SANBR: variants seen among roughly 807,000 people sequenced by gnomAD.
SANBR encodes the protein SANT and BTB domain regulator of CSR.
A neutral mutation model predicts 101.8 loss-of-function variants in SANBR; 77 were observed. That is an observed-to-expected ratio of 0.76 (90% CI 0.63 to 0.91). The LOEUF is 0.91. SANBR is among the 40% of genes least tolerant of loss of function. The probability of loss-of-function intolerance (pLI) is 0.00; values close to 1 mark genes in which losing one functional copy is unlikely to be tolerated. For synonymous variants in SANBR, 279 were observed against 274.7 expected (o/e 1.02, Z -0.15); for missense variants, 875 against 853.0 (o/e 1.03, Z -0.32).
At chr2:61,071,502 A>G in intron 3 of SANBR, 104 bp from the exon 4 acceptor site, 1 of 621,102 alleles carries the variant, frequency 1.6e-6, no homozygotes, top group African/African-American at 2.0e-5. Context: ...GTGAGCCAAG[A>G]TCACACCACT....
chr2:61,126,520 A>G (rs577260632), downstream of SANBR, among the ~76,000 whole-genome samples: 12 of 152,242 alleles, frequency 7.9e-5, no homozygotes, highest in South Asian at 2.5e-3. Context: ...TCCAACCTTC[A>G]GGCCGGACGC....
chr2:61,113,420 T>C (rs755725952), intron 16 of SANBR, among the ~76,000 whole-genome samples: 3 of 152,170 alleles, frequency 2.0e-5, no homozygotes, highest in Non-Finnish European at 2.9e-5. Flanking sequence ...TTGGGGTGAA[T>C]TCCTTTTTTT....
chr2:61,099,919 A>G (rs1683204499), intron 12 of SANBR, among the ~76,000 whole-genome samples: 2 of 152,178 alleles, frequency 1.3e-5, no homozygotes, highest in South Asian at 2.1e-4. Context: ...AGTGACAGGG[A>G]ATTCATAGGT....
At chr2:61,070,532 A>T in intron 3 of SANBR, 32 bp downstream of exon 3, 7 of 1,584,880 alleles carry the variant, frequency 4.4e-6, no homozygotes, top group Non-Finnish European at 4.3e-6. Flanking sequence ...ATATCTCCTG[A>T]AAATGTTCAG....
In SANBR at chr2:61,136,029, G is replaced by GC. The variant is rs1171539199; in HGVS notation, c.*45-1434dup. Among the ~76,000 whole-genome samples the GC allele has an allele frequency of 4.6e-5, 7 of 152,312 alleles. No individual in the cohort carries two copies. In the South Asian group the frequency reaches 1.5e-3, roughly 32 times the overall value. ...AAGAGTCTAAAAAAATCAAGGTTGG[G>GC]CGCATTGCCTCAGGCCTGTAATCCC... On this transcript the variant is annotated intron_variant, in intron 21 of 21. Coordinates refer to the SANBR transcript ENST00000295031.
intron 6 of SANBR, among the ~76,000 whole-genome samples, chr2:61,080,023 C>T (rs949323902): frequency 9.9e-5 from 15 of 151,586 alleles, no homozygotes; most frequent in African/African-American, 3.4e-4. Flanking sequence ...ATGTTGAAAC[C>T]CCGTCTCTAC....
intron 16 of SANBR, among the ~76,000 whole-genome samples, chr2:61,111,707 C>G (rs1683838825): frequency 6.6e-6 from 1 of 152,236 alleles, no homozygotes; most frequent in Non-Finnish European, 1.5e-5. Flanking sequence ...CCTTTGTACT[C>G]AGTTCCCTTT....
intron 20 of SANBR, among the ~76,000 whole-genome samples, chr2:61,133,379 G>A (rs1245554713): frequency 6.6e-6 from 1 of 152,118 alleles, no homozygotes; most frequent in African/African-American, 2.4e-5. Flanking sequence ...TGAAGGTGAT[G>A]GTTGCACAAC....
In SANBR at chr2:61,091,390, G is replaced by A. The variant is rs185356780; in HGVS notation, c.1089-1074G>A. ...GTGGATCACCTGAGGTCAAGAGTTC[G>A]GGAAAAGCCTGGCCAATGTGGTAAA... On this transcript the variant is annotated intron_variant, in intron 10 of 21. Coordinates refer to ENST00000402291, the MANE Select transcript of SANBR (RefSeq NM_001129993.3). Among the ~76,000 whole-genome samples, 47 of 151,898 alleles carry A rather than the reference G, an allele frequency of 3.1e-4. No homozygotes were observed. In the Middle Eastern group the frequency reaches 0.02, roughly 66 times the overall value.
chr2:61,077,026 T>G lies in SANBR; in HGVS notation c.538T>G (p.Leu180Val). 4 of 1,614,102 alleles carry G rather than the reference T, an allele frequency of 2.5e-6. No individual in the cohort carries two copies. Among genetic ancestry groups the G allele is most frequent in the Non-Finnish European group, 3.4e-6 (4 of 1,179,948 alleles). The change falls in exon 6 of 22, where the codon TTA (leucine) becomes GTA (valine). Residue 180 changes from leucine to valine, a missense_variant. Leu to Val is a conservative substitution (Grantham distance 32). Transcript: ENST00000402291. ...AGAAATGAAGTACTTTGCTGAATAT[T>G]TATCTATGGATGCCCAGCGCTGGGA... ...ISEMKYFAEY[L>V]SMDAQRWEEV...
intron 16 of SANBR, 23 bp downstream of exon 16, chr2:61,109,319 C>T: frequency 7.6e-7 from 1 of 1,318,450 alleles, no homozygotes. Context: ...AAGTTAAAAT[C>T]AAATCTCCCT....
intron 14 of SANBR, among the ~76,000 whole-genome samples, chr2:61,107,984 A>G (rs1683655192): frequency 6.6e-6 from 1 of 152,202 alleles, no homozygotes; most frequent in Admixed American, 6.5e-5. Context: ...TGCTTCCTTA[A>G]TTTATATTAA....
intron 6 of SANBR, 139 bp from the exon 7 acceptor site, chr2:61,081,313 A>G (rs996783354): frequency 3.8e-6 from 3 of 798,270 alleles, no homozygotes; most frequent in Non-Finnish European, 5.5e-6. Flanking sequence ...TATTTTATGT[A>G]TCTAACCCAT....
In SANBR at chr2:61,070,364, A is replaced by C. The variant is rs557185233; in HGVS notation, c.14A>C (p.Tyr5Ser). MSRGYSENNNFLNNN... is the reference protein window; with the variant it reads MSRGSSENNNFLNNN... ...TAGTTCCAAAAGATGAGTCGTGGAT[A>C]TTCAGAAAACAACAATTTCCTGAAC... is the stretch of plus-strand genomic sequence containing the variant. Residue 5 changes from tyrosine to serine, a missense_variant, in exon 3 of 22, where the codon TAT becomes TCT. Coordinates refer to ENST00000402291, the MANE Select transcript of SANBR (RefSeq NM_001129993.3). 1 of 1,583,078 alleles carries C rather than the reference A, an allele frequency of 6.3e-7. No individual in the cohort carries two copies. The highest frequency in any genetic ancestry group is 2.4e-5 in the East Asian group (1 of 42,362).
chr2:61,068,135 A>G lies in SANBR; in HGVS notation c.-146-714A>G, dbSNP rs867650169. Among the ~76,000 whole-genome samples the G allele has an allele frequency of 4.0e-4, 61 of 152,330 alleles. No homozygotes were observed. The Middle Eastern group carries it at 0.014, about 34-fold the overall frequency. ...CCATCAAAGAAATCATAATCCAGCG[A>G]GTTAAAGAGAGAAATAAACAGAAAT... On this transcript the variant is annotated intron_variant, in intron 1 of 21. Coordinates refer to ENST00000402291, the MANE Select transcript of SANBR (RefSeq NM_001129993.3).
At chr2:61,073,032 A>T (rs1006490346) in intron 4 of SANBR, among the ~76,000 whole-genome samples, 1 of 151,802 alleles carries the variant, frequency 6.6e-6, no homozygotes, top group Non-Finnish European at 1.5e-5. Context: ...GCTTCAACTG[A>T]CACAGTAGTG....
chr2:61,103,845 T>C lies in SANBR; in HGVS notation c.1366-8T>C. The C allele has an allele frequency of 1.9e-6, 3 of 1,613,314 alleles. No homozygotes were observed. The highest frequency in any genetic ancestry group is 2.2e-5 in the East Asian group (1 of 44,878). Reference sequence around the variant, plus strand: ...CTAACCTCTAATTTATTGTCTCTTATGTGACAGGGCTGTAAAGTGAGGGAC... The same window carrying C: ...CTAACCTCTAATTTATTGTCTCTTACGTGACAGGGCTGTAAAGTGAGGGAC... On this transcript the variant is annotated splice_polypyrimidine_tract_variant and splice_region_variant and intron_variant, in intron 12 of 21. Transcript: ENST00000402291.
At chr2:61,068,576 C>T (rs1464463297) in intron 1 of SANBR, among the ~76,000 whole-genome samples, 1 of 152,150 alleles carries the variant, frequency 6.6e-6, no homozygotes, top group African/African-American at 2.4e-5. Flanking sequence ...ACCATTGGAG[C>T]CATAGGTTGC....
chr2:61,086,880 C>G (rs563732030), intron 8 of SANBR, among the ~76,000 whole-genome samples: 1 of 151,944 alleles, frequency 6.6e-6, no homozygotes, highest in African/African-American at 2.4e-5. Context: ...AGGAATTATC[C>G]AAGAGCTAAA....
Sources: allele counts gnomAD v4.1 joint callset (sites outside exome capture counted in the v4.1 genomes callset), GRCh38; gene constraint gnomAD v4.1.1; transcripts MANE v1.5; gene names NCBI Gene and HGNC (gene_info 2026-07-23, HGNC 2026-07-21).